Variants in SULT1E1 observed in about 807,000 individuals in gnomAD.
SULT1E1 encodes sulfotransferase 1E1.
In SULT1E1, 36 loss-of-function variants were observed where a neutral mutation model predicts 33.6. The ratio of observed to expected loss-of-function variants is 1.07; its 90% CI spans 0.82 to 1.41. The LOEUF (loss-of-function observed/expected upper bound fraction) is 1.41, where lower values mean the gene tolerates loss of function less well. Ranked by LOEUF, SULT1E1 falls within the 40% of genes most tolerant of loss-of-function variation. SULT1E1 has a pLI of 0.00. For missense variants in SULT1E1, 371 were observed against 345.7 expected, an observed-to-expected ratio of 1.07 and a Z score of -0.58; for synonymous variants, 121 against 111.7, an observed-to-expected ratio of 1.08 and a Z score of -0.53.
the SULT1E1 span, among the ~76,000 whole-genome samples, chr4:69,833,754 T>C: frequency 2.6e-5 from 4 of 152,314 alleles, no homozygotes; most frequent in South Asian, 8.3e-4. Flanking sequence ...TAGGAACTTA[T>C]ATTCCTGCTG....
the SULT1E1 span, among the ~76,000 whole-genome samples, chr4:69,825,473 A>G: frequency 1.3e-5 from 2 of 152,074 alleles, no homozygotes; most frequent in Non-Finnish European, 2.9e-5. Context: ...ATTCTGTCCT[A>G]TTTTTCCTTA....
At position 69,845,564 on chromosome 4, in the gene SULT1E1, AT is replaced by A. The variant is rs1241112812; in HGVS notation, c.592-1224del. Among the ~76,000 whole-genome samples, 5 of 151,346 alleles carry A rather than the reference AT, an allele frequency of 3.3e-5. No individual in the cohort carries two copies. The East Asian group carries it at 9.6e-4, about 29-fold the overall frequency. On this transcript the variant is annotated intron_variant, in intron 6 of 7. Transcript: ENST00000226444. ...ATATATAATATATACACAAAATCTT[AT>A]TTTATATATACAGACATATGTGTAT...
At chr4:69,838,980 T>C (rs1720838047), downstream of SULT1E1, among the ~76,000 whole-genome samples, 1 of 152,244 alleles carries the variant, frequency 6.6e-6, no homozygotes, top group Non-Finnish European at 1.5e-5. Flanking sequence ...CATTTATTTA[T>C]ATCAACACGG....
chr4:69,826,580 G>T, the SULT1E1 span, among the ~76,000 whole-genome samples: 1 of 152,060 alleles, frequency 6.6e-6, no homozygotes, highest in Non-Finnish European at 1.5e-5. Context: ...AAACACTCAA[G>T]CACCAACAGG....
chr4:69,839,824 C>T (rs944807221), downstream of SULT1E1, among the ~76,000 whole-genome samples: 8 of 152,122 alleles, frequency 5.3e-5, no homozygotes, highest in Admixed American at 3.3e-4. Flanking sequence ...AGATCCCAGC[C>T]GTATTACTTC....
At position 69,854,258 on chromosome 4, in the gene SULT1E1, G is replaced by T; in HGVS notation, c.328C>A (p.Pro110Thr). The change falls in exon 4 of 8, where the codon CCT becomes ACT. Residue 110 changes from proline (P) to threonine (T), a missense_variant. Pro to Thr is a conservative substitution (Grantham distance 38). Transcript: ENST00000226444. Reference sequence around the variant, plus strand: ...CAAAATGAGGCAGGAAGAAGTTCAGGTGGCAAATGAGTCTTCACAATTCTA... The same window carrying T: ...CAAAATGAGGCAGGAAGAAGTTCAGTTGGCAAATGAGTCTTCACAATTCTA... ...SPRIVKTHLP[P>T]ELLPASFWEK... 1 of 1,611,900 alleles carries T rather than the reference G, an allele frequency of 6.2e-7. No individual in the cohort carries two copies. The highest frequency in any genetic ancestry group is 8.5e-7 in the Non-Finnish European group (1 of 1,178,638).
chr4:69,857,689 C>T (rs1721273174), intron 1 of SULT1E1, 36 bp from the exon 2 acceptor site: 1 of 1,532,324 alleles, frequency 6.5e-7, no homozygotes, highest in Non-Finnish European at 8.7e-7. Flanking sequence ...TTTGTATGTA[C>T]TTAACAATAT....
the SULT1E1 span, among the ~76,000 whole-genome samples, chr4:69,833,432 TTAGG>T: frequency 6.6e-6 from 1 of 152,186 alleles, no homozygotes; most frequent in Admixed American, 6.5e-5. Flanking sequence ...TACAGCTAAC[TTAGG>T]TAGAATTTCC....
chr4:69,848,309 T>C (rs1283917832), intron 5 of SULT1E1, among the ~76,000 whole-genome samples: 1 of 151,828 alleles, frequency 6.6e-6, no homozygotes, highest in African/African-American at 2.4e-5. Context: ...ACCCTTAGTG[T>C]CATTCTCACT....
intron 7 of SULT1E1, among the ~76,000 whole-genome samples, chr4:69,843,233 C>T (rs1436883778): frequency 6.6e-6 from 1 of 152,084 alleles, no homozygotes; most frequent in African/African-American, 2.4e-5. Context: ...GAAGACAGAA[C>T]ATGTGTATCC....
chr4:69,835,831 T>C, the SULT1E1 span, among the ~76,000 whole-genome samples: 1 of 152,186 alleles, frequency 6.6e-6, no homozygotes, highest in Non-Finnish European at 1.5e-5. Flanking sequence ...GGTTGTTTTG[T>C]AGAAACTAGG....
chr4:69,827,128 T>G, the SULT1E1 span, among the ~76,000 whole-genome samples: 1 of 152,212 alleles, frequency 6.6e-6, no homozygotes, highest in South Asian at 2.1e-4. Context: ...AGCTTTCAGA[T>G]GATCCTGATA....
chr4:69,825,567 G>T, the SULT1E1 span, among the ~76,000 whole-genome samples: 1 of 152,168 alleles, frequency 6.6e-6, no homozygotes, highest in Non-Finnish European at 1.5e-5. Flanking sequence ...CGGGTGTCAG[G>T]CTTTCTGGGA....
intron 4 of SULT1E1, among the ~76,000 whole-genome samples, chr4:69,850,672 T>A (rs1171945871): frequency 6.6e-6 from 1 of 152,106 alleles, no homozygotes; most frequent in Non-Finnish European, 1.5e-5. Context: ...ACTGTATGCA[T>A]TAATTTACTT....
At chr4:69,828,891 A>G in the SULT1E1 span, among the ~76,000 whole-genome samples, 1 of 152,114 alleles carries the variant, frequency 6.6e-6, no homozygotes, top group South Asian at 2.1e-4. Context: ...CTAGAAGGAG[A>G]TCATCAATGT....
chr4:69,823,357 G>A, the SULT1E1 span, among the ~76,000 whole-genome samples: 6 of 152,032 alleles, frequency 3.9e-5, no homozygotes, highest in Admixed American at 1.3e-4. Flanking sequence ...CTCCTTCAAC[G>A]TAGCTTCCAT....
At chr4:69,836,963 G>A (rs1323046127), downstream of SULT1E1, among the ~76,000 whole-genome samples, 1 of 152,154 alleles carries the variant, frequency 6.6e-6, no homozygotes, top group Non-Finnish European at 1.5e-5. Context: ...TGTGCCTATA[G>A]TCTCAGCTAC....
chr4:69,829,008 T>G, the SULT1E1 span, among the ~76,000 whole-genome samples: 4 of 152,174 alleles, frequency 2.6e-5, no homozygotes, highest in African/African-American at 7.2e-5. Context: ...GTGGGAGTCT[T>G]GTCCAAGTGT....
chr4:69,857,433 C>T (rs1158386943), intron 2 of SULT1E1, 67 bp downstream of exon 2: 1 of 1,529,946 alleles, frequency 6.5e-7, no homozygotes, highest in Non-Finnish European at 8.8e-7. Context: ...ACATGAACAC[C>T]TTAATATTTA....
Sources: gnomAD v4.1 joint callset for allele counts (sites outside exome capture counted in the v4.1 genomes callset) on GRCh38, gnomAD v4.1.1 for gene constraint, MANE v1.5 for transcripts, NCBI Gene and HGNC (gene_info 2026-07-23, HGNC 2026-07-21) for gene names.